The following TRIM49C variants were observed in gnomAD, a reference collection of about 807,000 sequenced individuals.
TRIM49C encodes the protein tripartite motif containing 49C.
A neutral mutation model predicts 21.4 loss-of-function variants in TRIM49C; 6 were observed. The observed-to-expected ratio is 0.28, with a 90% CI of 0.15 to 0.55. The LOEUF (loss-of-function observed/expected upper bound fraction) is 0.55. Ranked by LOEUF, TRIM49C falls within the 20% of genes least tolerant of loss-of-function variation. The pLI is 0.94. For synonymous variants in TRIM49C, 57 were observed against 148.1 expected (o/e 0.38, Z 4.47); for missense variants, 161 against 442.4 (o/e 0.36, Z 5.71).
At chr11:90,046,698 T>C (rs1410795788), downstream of TRIM49C, among the ~76,000 whole-genome samples, 2 of 125,176 alleles carry the variant, frequency 1.6e-5, no homozygotes, top group Non-Finnish European at 3.3e-5. Flanking sequence ...ATCAATTTTG[T>C]TGATCTTTTC....
the TRIM49C span, among the ~76,000 whole-genome samples, chr11:90,048,813 C>T: frequency 3.3e-4 from 41 of 125,708 alleles, 7 homozygotes; most frequent in Admixed American, 2.9e-3. Flanking sequence ...TGGTGAGGAT[C>T]TGCATTCCTT....
Position 90,041,068 on chromosome 11 carries a change from C to A in TRIM49C, c.877C>A (p.His293Asn). 2 of 1,565,890 alleles carry A rather than the reference C, an allele frequency of 1.3e-6. No individual in the cohort carries two copies. The highest frequency in any genetic ancestry group is 1.7e-6 in the Non-Finnish European group (2 of 1,155,382). Residue 293 changes from histidine to asparagine, a missense_variant, in exon 8 of 8, where the codon CAT (histidine) becomes AAT (asparagine). His to Asn is a moderately conservative substitution (Grantham distance 68, BLOSUM62 1). This residue lies in a region of TRIM49C where 80 missense variants were observed against 314.8 expected (regional missense o/e 0.25). Transcript: ENST00000448984. Reference protein sequence around the residue: ...NQFRVHITLHHEEANSDIFLY... With the variant: ...NQFRVHITLHNEEANSDIFLY... ...TTTTGCAGTGCATATTACTCTGCATCATGAAGAAGCCAACAGTGATATCTT... is the reference window on the plus strand; with the variant it reads ...TTTTGCAGTGCATATTACTCTGCATAATGAAGAAGCCAACAGTGATATCTT...
the TRIM49C span, among the ~76,000 whole-genome samples, chr11:90,072,085 C>A: frequency 7.1e-6 from 1 of 141,226 alleles, no homozygotes; most frequent in Non-Finnish European, 1.5e-5. Flanking sequence ...ACAATTATTA[C>A]ATGAAGTATA....
At chr11:90,045,450 A>C (rs1473838139), downstream of TRIM49C, among the ~76,000 whole-genome samples, 1 of 58,314 alleles carries the variant, frequency 1.7e-5, no homozygotes, top group African/African-American at 7.2e-5. Flanking sequence ...CTTTTATTTC[A>C]TTGAGCAGTG....
the TRIM49C span, among the ~76,000 whole-genome samples, chr11:90,060,445 G>C: frequency 6.6e-6 from 1 of 152,380 alleles, no homozygotes; most frequent in South Asian, 2.1e-4. Context: ...ACAATGAAAA[G>C]CTTCATCAGT....
chr11:90,059,907 CTTTT>C, the TRIM49C span, among the ~76,000 whole-genome samples: 1 of 128,890 alleles, frequency 7.8e-6, no homozygotes, highest in African/African-American at 2.9e-5. Flanking sequence ...CTCCCTCTGT[CTTTT>C]TTTTTTTTTA....
At chr11:90,048,553 C>T in the TRIM49C span, among the ~76,000 whole-genome samples, 2 of 129,716 alleles carry the variant, frequency 1.5e-5, no homozygotes, top group Non-Finnish European at 3.2e-5. Context: ...TCCAGTTGAT[C>T]GAATCAGCTA....
the TRIM49C span, among the ~76,000 whole-genome samples, chr11:90,069,696 C>G: frequency 2.6e-5 from 3 of 114,358 alleles, 1 homozygote; most frequent in African/African-American, 6.9e-5. Context: ...TTGAGAGTAA[C>G]TTATTTATGA....
chr11:90,061,860 A>T, the TRIM49C span: 2 of 357,034 alleles, frequency 5.6e-6, no homozygotes, highest in Non-Finnish European at 8.5e-6. Flanking sequence ...TTTTCTTGGG[A>T]TGAAATCACT....
chr11:90,047,013 A>T, downstream of TRIM49C, among the ~76,000 whole-genome samples: 1 of 123,176 alleles, frequency 8.1e-6, no homozygotes, highest in African/African-American at 3.3e-5. Context: ...TTCTGCCTTC[A>T]TTTCGTTATG....
the TRIM49C span, among the ~76,000 whole-genome samples, chr11:90,069,254 G>A: frequency 8.3e-5 from 10 of 120,824 alleles, 1 homozygote; most frequent in South Asian, 2.2e-3. Context: ...ACAGGCGCTC[G>A]CCACCACGCC....
chr11:90,052,947 T>C, the TRIM49C span: 1 of 140,876 alleles, frequency 7.1e-6, no homozygotes, highest in African/African-American at 2.5e-5. Flanking sequence ...TGACGACATC[T>C]CTCCTGGGGT....
the TRIM49C span, among the ~76,000 whole-genome samples, chr11:90,068,543 C>T: frequency 1.4e-5 from 2 of 145,110 alleles, no homozygotes; most frequent in Non-Finnish European, 3.0e-5. Flanking sequence ...ATAGTACTTA[C>T]AATACTTTTT....
intron 4 of TRIM49C, among the ~76,000 whole-genome samples, chr11:90,036,718 A>T (rs1352690374): frequency 7.2e-6 from 1 of 138,350 alleles, no homozygotes; most frequent in Non-Finnish European, 1.6e-5. Flanking sequence ...TTGAATATTA[A>T]ATTAGAAAAT....
chr11:90,037,398 G>C (rs1203100780), intron 4 of TRIM49C, among the ~76,000 whole-genome samples: 1 of 132,994 alleles, frequency 7.5e-6, no homozygotes, highest in East Asian at 2.2e-4. Context: ...CTCAGAAATA[G>C]AAAGAATTGT....
the TRIM49C span, chr11:90,062,593 T>C: frequency 6.8e-6 from 10 of 1,462,500 alleles, 2 homozygotes; most frequent in Non-Finnish European, 9.1e-6. Flanking sequence ...TCACGTACCC[T>C]GCATTCCTCA....
the TRIM49C span, among the ~76,000 whole-genome samples, chr11:90,065,760 G>A: frequency 2.2e-5 from 3 of 139,490 alleles, no homozygotes; most frequent in Admixed American, 8.2e-5. Flanking sequence ...TTCAAGACCA[G>A]CCTGGCCAAG....
intron 2 of TRIM49C, among the ~76,000 whole-genome samples, chr11:90,034,023 G>A (rs1382698912): frequency 7.8e-6 from 1 of 128,024 alleles, no homozygotes; most frequent in African/African-American, 3.0e-5. Context: ...AGCTATACAT[G>A]ATTCTACATG....
the TRIM49C span, among the ~76,000 whole-genome samples, chr11:90,069,471 G>A: frequency 1.1e-4 from 15 of 131,790 alleles, 2 homozygotes; most frequent in African/African-American, 4.3e-4. Flanking sequence ...ATATATTTGG[G>A]CAGATACCTA....
Sources: gnomAD v4.1 joint callset for allele counts (sites outside exome capture counted in the v4.1 genomes callset) on GRCh38, gnomAD v4.1.1 for gene constraint, gnomAD v4.1.1 regional missense constraint, MANE v1.5 for transcripts, NCBI Gene and HGNC (gene_info 2026-07-23, HGNC 2026-07-21) for gene names.